The following TLE4 variants were observed in gnomAD, a reference collection of about 807,000 sequenced individuals.
TLE4 encodes TLE family member 4, transcriptional corepressor, also known as transducin-like enhancer protein 4.
TLE4 carries 8 observed loss-of-function variants against 92.8 expected under a neutral mutation model. That is an observed-to-expected ratio of 0.09 (90% CI 0.05 to 0.16). The LOEUF is 0.16. Among genes scored for constraint, TLE4 ranks in the 10% least tolerant of loss-of-function variants. The probability of loss-of-function intolerance (pLI) is 1.00; values close to 1 mark genes in which losing one functional copy is unlikely to be tolerated. For missense variants in TLE4, 675 were observed against 997.6 expected (o/e 0.68, Z 4.36); for synonymous variants, 371 against 374.1 (o/e 0.99, Z 0.10).
chr9:79,702,445 A>G (rs2070208029), intron 8 of TLE4, among the ~76,000 whole-genome samples: 1 of 152,054 alleles, frequency 6.6e-6, no homozygotes. Flanking sequence ...GGTCATGAAA[A>G]CCTACTGAGT....
chr9:79,594,871 A>G (rs1007525503), intron 4 of TLE4, among the ~76,000 whole-genome samples: 4 of 152,118 alleles, frequency 2.6e-5, no homozygotes, highest in Non-Finnish European at 4.4e-5. Flanking sequence ...AGGGAGCAAA[A>G]CTCCAACTTA....
At chr9:79,613,687 G>A (rs1483874782) in intron 5 of TLE4, among the ~76,000 whole-genome samples, 1 of 152,152 alleles carries the variant, frequency 6.6e-6, no homozygotes, top group Non-Finnish European at 1.5e-5. Context: ...TTGTGTCACT[G>A]CTTTTCAGGA....
Position 79,653,951 on chromosome 9 carries a change from A to G in TLE4, c.593-108A>G, listed in dbSNP as rs989680491. Reference sequence around the variant, plus strand: ...ACATCTGTGTAATTTATTATTTAGCAGAGATCAAGTTTGATAAATCAGTAT... The same window carrying G: ...ACATCTGTGTAATTTATTATTTAGCGGAGATCAAGTTTGATAAATCAGTAT... On this transcript the variant is annotated intron_variant, in intron 7 of 19. Coordinates refer to ENST00000376552, the MANE Select transcript of TLE4 (RefSeq NM_007005.6). The G allele has an allele frequency of 7.2e-6, 9 of 1,245,426 alleles. No individual in the cohort carries two copies. In the African/African-American group the frequency reaches 1.3e-4, roughly 19 times the overall value. 77.1% of individuals were successfully genotyped at this position (1,245,426 alleles called of 1,614,324 possible).
rs1440987863 is a variant in TLE4 at position 79,709,651 on chromosome 9, G to A, written c.1292G>A (p.Arg431His). The A allele has an allele frequency of 7.4e-6, 12 of 1,613,920 alleles. No homozygotes were observed. The highest frequency in any genetic ancestry group is 1.3e-5 in the African/African-American group (1 of 74,902). Residue 431 changes from arginine (R) to histidine (H), a missense_variant, in exon 14 of 20, where the codon CGT becomes CAT. Transcript: ENST00000376552. ...GGATTTGATCCACACCATCACATGC[G>A]TGTGCCAGCAATACCTCCAAACCTG... ...VVGFDPHHHM[R>H]VPAIPPNLTG...
chr9:79,597,145 A>G (rs1441789242), intron 4 of TLE4, among the ~76,000 whole-genome samples: 1 of 152,116 alleles, frequency 6.6e-6, no homozygotes, highest in Non-Finnish European at 1.5e-5. Flanking sequence ...ATAGTCTGCT[A>G]GTTCTCCATG....
At chr9:79,657,827 C>T (rs2059977463) in intron 8 of TLE4, among the ~76,000 whole-genome samples, 1 of 152,186 alleles carries the variant, frequency 6.6e-6, no homozygotes, top group Non-Finnish European at 1.5e-5. Context: ...AATTCACTAT[C>T]ACCAAATGCT....
intron 8 of TLE4, among the ~76,000 whole-genome samples, chr9:79,670,914 G>A (rs1295243653): frequency 6.6e-6 from 1 of 151,670 alleles, no homozygotes; most frequent in East Asian, 1.9e-4. Context: ...TGAGTAATTT[G>A]AAAATGACCT....
At chr9:79,600,807 A>G (rs1230368311) in intron 4 of TLE4, among the ~76,000 whole-genome samples, 4 of 152,164 alleles carry the variant, frequency 2.6e-5, no homozygotes, top group Non-Finnish European at 4.4e-5. Context: ...TCGTCTACAC[A>G]TTGTAGTGTG....
chr9:79,607,240 T>C (rs1463412833), intron 4 of TLE4, among the ~76,000 whole-genome samples: 1 of 152,158 alleles, frequency 6.6e-6, no homozygotes, highest in Non-Finnish European at 1.5e-5. Context: ...TCTTGTAAAT[T>C]TGTTTAAGTT....
Position 79,576,150 on chromosome 9 carries a change from T to C in TLE4, c.225T>C (p.Tyr75=), listed in dbSNP as rs1224118739. 4.6e-6 allele frequency: 7 copies of C among 1,533,652 alleles called. No homozygotes were observed. The highest frequency in any genetic ancestry group is 5.3e-6 in the Non-Finnish European group (6 of 1,133,890). ...RHYVMYYEMS[Y]GLNIEMHKQA... ...TTTGACAGTATTATGAAATGTCCTATGGGTTGAATATAGAAATGCACAAGC... is the reference window on the plus strand; with the variant it reads ...TTTGACAGTATTATGAAATGTCCTACGGGTTGAATATAGAAATGCACAAGC... Residue 75 remains tyrosine, a synonymous_variant, in exon 4 of 20, where the codon TAT becomes TAC. Coordinates refer to ENST00000376552, the MANE Select transcript of TLE4 (RefSeq NM_007005.6).
At chr9:79,619,694 G>C (rs2050491309) in intron 5 of TLE4, among the ~76,000 whole-genome samples, 1 of 152,158 alleles carries the variant, frequency 6.6e-6, no homozygotes, top group Non-Finnish European at 1.5e-5. Flanking sequence ...CTGCTTCCCA[G>C]TTGGAGCCAT....
chr9:79,644,266 C>T (rs1011477097), intron 6 of TLE4, among the ~76,000 whole-genome samples: 2 of 152,070 alleles, frequency 1.3e-5, no homozygotes, highest in African/African-American at 2.4e-5. Flanking sequence ...GTTTGCTTCC[C>T]CTTCCACCAT....
chr9:79,578,829 G>T, intron 4 of TLE4, among the ~76,000 whole-genome samples: 1 of 127,434 alleles, frequency 7.8e-6, no homozygotes. Flanking sequence ...TAGAATTAGT[G>T]GATTTTTTTT....
intron 4 of TLE4, among the ~76,000 whole-genome samples, chr9:79,593,671 C>T (rs1339567909): frequency 6.6e-6 from 1 of 152,200 alleles, no homozygotes; most frequent in African/African-American, 2.4e-5. Flanking sequence ...CATGTTCCTA[C>T]AGTTGTGCCT....
chr9:79,719,081 T>C lies in TLE4; in HGVS notation c.1590+110T>C, dbSNP rs540422202. The stretch of plus-strand genomic sequence containing the variant: ...CCACACAGTATTGATCCCAGGTGGA[T>C]AGTTGCTCTTCAGGGGACTGCGATC... On this transcript the variant is annotated intron_variant, in intron 15 of 19. Coordinates refer to ENST00000376552, the MANE Select transcript of TLE4 (RefSeq NM_007005.6). The C allele has an allele frequency of 2.1e-6, 3 of 1,455,228 alleles. No homozygotes were observed. The East Asian group carries it at 7.1e-5, about 35-fold the overall frequency. The allele number at this position is 1,455,228 out of a possible 1,614,324, so 90.1% of individuals were successfully genotyped here.
At position 79,670,149 on chromosome 9, in the gene TLE4, C is replaced by T. The variant is rs535473812; in HGVS notation, c.609+16074C>T. 8.6e-5 allele frequency among the ~76,000 whole-genome samples: 13 copies of T among 151,198 alleles called. No individual in the cohort carries two copies. The East Asian group carries it at 1.7e-3, about 20-fold the overall frequency. Reference sequence around the variant, plus strand: ...AAGTAGAAAACTTGAAAAGACTCACCTTAGAGGGGATAGCTAAAGAGTAAA... The same window carrying T: ...AAGTAGAAAACTTGAAAAGACTCACTTTAGAGGGGATAGCTAAAGAGTAAA... On this transcript the variant is annotated intron_variant, in intron 8 of 19. Transcript: ENST00000376552.
At chr9:79,678,747 A>G (rs1181335531) in intron 8 of TLE4, among the ~76,000 whole-genome samples, 1 of 151,692 alleles carries the variant, frequency 6.6e-6, no homozygotes, top group African/African-American at 2.4e-5. Context: ...CATTAGGTAT[A>G]TGTCCTAATG....
In TLE4 at chr9:79,572,668, C is replaced by G; in HGVS notation, c.-123C>G. 1 of 881,076 alleles carries G rather than the reference C, an allele frequency of 1.1e-6. No homozygotes were observed. Among genetic ancestry groups the G allele is most frequent in the South Asian group, 1.7e-5 (1 of 57,298 alleles). 54.6% of individuals were successfully genotyped at this position (881,076 alleles called of 1,614,324 possible). A position where few individuals can be genotyped will look rare whatever the true frequency, so the allele number is the denominator to read the frequency against. On this transcript the variant is annotated 5_prime_UTR_variant, in exon 1 of 20. Coordinates refer to ENST00000376552, the MANE Select transcript of TLE4 (RefSeq NM_007005.6). ...ACGCGAGACCCGGCGGGGGCCGGGA[C>G]CGCCCGAGCCGCCCCTCAGACCGAG...
intron 8 of TLE4, among the ~76,000 whole-genome samples, chr9:79,655,833 G>A (rs1272306306): frequency 6.6e-6 from 1 of 152,120 alleles, no homozygotes; most frequent in Non-Finnish European, 1.5e-5. Flanking sequence ...AGGCAGTCCA[G>A]TGAACTAAAC....
Sources: allele counts gnomAD v4.1 joint callset (sites outside exome capture counted in the v4.1 genomes callset), GRCh38; gene constraint gnomAD v4.1.1; transcripts MANE v1.5; gene names NCBI Gene and HGNC (gene_info 2026-07-23, HGNC 2026-07-21).